MCM5: variants seen among roughly 807,000 people sequenced by gnomAD.
The protein encoded by MCM5 is DNA replication licensing factor MCM5.
Under a neutral mutation model 79.9 loss-of-function variants are expected in MCM5, and 46 were observed. That is an observed-to-expected ratio of 0.58 (90% confidence interval 0.45 to 0.74). The LOEUF (loss-of-function observed/expected upper bound fraction) is 0.74, where lower values mean the gene tolerates loss of function less well. MCM5 is among the 30% of genes least tolerant of loss of function. The pLI is 0.00. For missense variants in MCM5, 883 were observed against 1,017.0 expected, an observed-to-expected ratio of 0.87 and a Z score of 1.79; for synonymous variants, 404 against 390.5, an observed-to-expected ratio of 1.03 and a Z score of -0.41.
Position 35,418,565 on chromosome 22 carries a change from CAGG to C in MCM5, c.1703+712_1703+714del, listed in dbSNP as rs1601761470. On this transcript the variant is annotated intron_variant, in intron 13 of 16. Coordinates refer to ENST00000216122, the MANE Select transcript of MCM5 (RefSeq NM_006739.4). ...GTCCCAGCTACTCAGGAGGCTGAGG[CAGG>C]AGAATTGCTTGAACCCAGGAGGCAG... is the stretch of plus-strand genomic sequence containing the variant. Among the ~76,000 whole-genome samples, 4 of 151,988 alleles carry C rather than the reference CAGG, an allele frequency of 2.6e-5. No individual in the cohort carries two copies. The East Asian group carries it at 7.7e-4, about 29-fold the overall frequency.
At chr22:35,444,817 C>T in the MCM5 span, among the ~76,000 whole-genome samples, 2 of 152,194 alleles carry the variant, frequency 1.3e-5, no homozygotes, top group African/African-American at 4.8e-5. Flanking sequence ...CATTTGAGAC[C>T]AGCCTGGGCG....
At chr22:35,453,819 T>TATAGAGAG in the MCM5 span, among the ~76,000 whole-genome samples, 1,539 of 81,446 alleles carry the variant, frequency 0.019, 27 homozygotes, top group African/African-American at 0.027. Context: ...TATATATATA[T>TATAGAGAG]AGAGAGAGAG....
At chr22:35,452,237 C>T in the MCM5 span, among the ~76,000 whole-genome samples, 1 of 152,198 alleles carries the variant, frequency 6.6e-6, no homozygotes, top group Non-Finnish European at 1.5e-5. Flanking sequence ...CAGCCCTTTG[C>T]ACCTGTGGAA....
chr22:35,439,099 C>A, the MCM5 span, among the ~76,000 whole-genome samples: 36 of 150,938 alleles, frequency 2.4e-4, no homozygotes, highest in Non-Finnish European at 2.1e-4. Context: ...ACATATTCAT[C>A]CATTCACCCA....
At chr22:35,437,071 A>G in the MCM5 span, among the ~76,000 whole-genome samples, 13 of 152,358 alleles carry the variant, frequency 8.5e-5, no homozygotes, top group African/African-American at 2.9e-4. Context: ...ACTTCTGGGC[A>G]GGTGATCAGT....
the MCM5 span, among the ~76,000 whole-genome samples, chr22:35,453,819 T>TAGAGAGAGAGAGAGAGAGAG: frequency 2.5e-5 from 2 of 81,540 alleles, no homozygotes; most frequent in African/African-American, 6.0e-5. Context: ...TATATATATA[T>TAGAGAGAGAGAGAGAGAGAG]AGAGAGAGAG....
chr22:35,412,441 G>A (rs1932409724), intron 7 of MCM5, 69 bp from the exon 8 acceptor site: 1 of 1,340,406 alleles, frequency 7.5e-7, no homozygotes, highest in Non-Finnish European at 9.9e-7. Flanking sequence ...CCCTGAGCTG[G>A]TGCCAGGATG....
At chr22:35,450,268 G>A in the MCM5 span, among the ~76,000 whole-genome samples, 1 of 152,124 alleles carries the variant, frequency 6.6e-6, no homozygotes, top group Non-Finnish European at 1.5e-5. Context: ...CTCTCTGGGC[G>A]ACCTTATTCC....
At chr22:35,411,061 C>T (rs955860475) in intron 7 of MCM5, 151 bp downstream of exon 7, 30 of 706,996 alleles carry the variant, frequency 4.2e-5, no homozygotes, top group Non-Finnish European at 6.5e-5. Context: ...TTAAGTGATC[C>T]CTGGAACTTC....
Position 35,417,836 on chromosome 22 carries a change from G to A in MCM5, c.1683G>A (p.Lys561=). 1 of 1,614,100 alleles carries A rather than the reference G, an allele frequency of 6.2e-7. No individual in the cohort carries two copies. The highest frequency in any genetic ancestry group is 1.3e-5 in the African/African-American group (1 of 75,056). ...EGEIDLAKLK[K]FIAYCRVKCG... ...AGATTGACCTGGCCAAGCTGAAGAA[G>A]TTTATTGCCTACTGCCGAGTGTGAG... Residue 561 remains lysine (K), a synonymous_variant, in exon 13 of 17, where the codon AAG becomes AAA. Transcript: ENST00000216122.
At chr22:35,411,010 G>T in intron 7 of MCM5, 100 bp downstream of exon 7, 1 of 1,101,116 alleles carries the variant, frequency 9.1e-7, no homozygotes, top group South Asian at 1.6e-5. Flanking sequence ...AGCCCAGGAT[G>T]TCCTTGTGTT....
intron 6 of MCM5, 140 bp downstream of exon 6, chr22:35,408,703 G>A (rs996059064): frequency 1.2e-6 from 1 of 818,922 alleles, no homozygotes; most frequent in Non-Finnish European, 1.9e-6. Flanking sequence ...CACCTGCTCT[G>A]TGCCTAATGC....
chr22:35,412,230 G>C (rs1273178399), intron 7 of MCM5, among the ~76,000 whole-genome samples: 2 of 152,214 alleles, frequency 1.3e-5, no homozygotes, highest in Non-Finnish European at 2.9e-5. Context: ...TGAAAGGGGA[G>C]ACCTTCCAGT....
chr22:35,451,467 G>A, the MCM5 span, among the ~76,000 whole-genome samples: 16 of 152,354 alleles, frequency 1.1e-4, no homozygotes, highest in Admixed American at 2.6e-4. Context: ...TCAGCCGGCC[G>A]GTTGTTTCTG....
intron 15 of MCM5, 99 bp from the exon 16 acceptor site, chr22:35,423,115 G>T: frequency 3.0e-6 from 4 of 1,344,066 alleles, no homozygotes; most frequent in Non-Finnish European, 4.0e-6. Flanking sequence ...ACTCTTCGGG[G>T]CCTGGCTCAG....
the MCM5 span, among the ~76,000 whole-genome samples, chr22:35,453,701 GAGAC>G: frequency 6.6e-6 from 1 of 151,212 alleles, no homozygotes; most frequent in Non-Finnish European, 1.5e-5. Flanking sequence ...GAGAGAGAGA[GAGAC>G]AAAAGGCAGA....
downstream of MCM5, among the ~76,000 whole-genome samples, chr22:35,429,782 C>T (rs1932801053): frequency 1.3e-5 from 2 of 152,228 alleles, no homozygotes; most frequent in Admixed American, 1.3e-4. Flanking sequence ...GTGATCCGCC[C>T]ACCTCAGCCT....
intron 9 of MCM5, among the ~76,000 whole-genome samples, chr22:35,415,558 C>T (rs981193846): frequency 2.0e-5 from 3 of 152,224 alleles, no homozygotes; most frequent in African/African-American, 7.2e-5. Context: ...TTGGGCCTCA[C>T]AAGACTGTGT....
chr22:35,401,245 A>G (rs1022553506), intron 2 of MCM5: 3 of 377,432 alleles, frequency 7.9e-6, no homozygotes, highest in South Asian at 1.9e-5. Flanking sequence ...GTTCCTGTTC[A>G]TCTGCTTCCT....
Sources: gnomAD v4.1 joint callset for allele counts (sites outside exome capture counted in the v4.1 genomes callset) on GRCh38, gnomAD v4.1.1 for gene constraint, MANE v1.5 for transcripts, NCBI Gene and HGNC (gene_info 2026-07-23, HGNC 2026-07-21) for gene names.